The following ACBD6 variants were observed in gnomAD, a reference collection of about 807,000 sequenced individuals.
ACBD6 encodes the protein acyl-CoA binding domain containing 6, also known as acyl-CoA-binding domain-containing protein 6.
Under a neutral mutation model 37.2 loss-of-function variants are expected in ACBD6, and 28 were observed. The observed-to-expected ratio is 0.75, with a 90% CI of 0.56 to 1.03. The LOEUF (loss-of-function observed/expected upper bound fraction) is 1.03, where lower values mean the gene tolerates loss of function less well. Among genes scored for constraint, ACBD6 ranks in the 50% least tolerant of loss-of-function variants. ACBD6 has a pLI of 0.00. For synonymous variants in ACBD6, 113 were observed against 126.8 expected, an observed-to-expected ratio of 0.89 and a Z score of 0.73; for missense variants, 340 against 337.4, an observed-to-expected ratio of 1.01 and a Z score of -0.06.
intron 1 of ACBD6, among the ~76,000 whole-genome samples, chr1:180,496,699 C>T (rs910282435): frequency 2.0e-5 from 3 of 152,184 alleles, no homozygotes; most frequent in Non-Finnish European, 4.4e-5. Flanking sequence ...CTATCATTTG[C>T]TTAGCGATTA....
At chr1:180,451,914 T>C (rs1306514642) in intron 3 of ACBD6, among the ~76,000 whole-genome samples, 4 of 151,982 alleles carry the variant, frequency 2.6e-5, no homozygotes, top group Non-Finnish European at 5.9e-5. Context: ...AATGAAAAAA[T>C]GTGTTCAGTA....
At chr1:180,446,116 C>A (rs1183368424) in intron 3 of ACBD6, among the ~76,000 whole-genome samples, 5 of 151,954 alleles carry the variant, frequency 3.3e-5, no homozygotes, top group Non-Finnish European at 5.9e-5. Flanking sequence ...TCTCCTCCCA[C>A]CTCAGCCTCC....
intron 8 of ACBD6, among the ~76,000 whole-genome samples, chr1:180,282,972 G>GTTTTTTTTT (rs34828086): frequency 1.7e-4 from 19 of 109,990 alleles, no homozygotes; most frequent in South Asian, 1.0e-3. Flanking sequence ...ATGTCTTTCT[G>GTTTTTTTTT]TTTTTTTTTT....
At chr1:180,487,037 A>G (rs575953707) in intron 3 of ACBD6, among the ~76,000 whole-genome samples, 1 of 152,324 alleles carries the variant, frequency 6.6e-6, no homozygotes, top group African/African-American at 2.4e-5. Flanking sequence ...AAAATGGCTG[A>G]GAAACTGCTC....
At chr1:180,357,314 A>G (rs1652667394) in intron 6 of ACBD6, among the ~76,000 whole-genome samples, 1 of 152,234 alleles carries the variant, frequency 6.6e-6, no homozygotes. Context: ...ATAGCATGCC[A>G]AACAGCAGAG....
At chr1:180,354,160 T>C (rs977088338) in intron 6 of ACBD6, among the ~76,000 whole-genome samples, 1 of 152,218 alleles carries the variant, frequency 6.6e-6, no homozygotes, top group East Asian at 1.9e-4. Flanking sequence ...GTGGGGGAGG[T>C]AGGCCACAGC....
chr1:180,370,399 T>A (rs954227175), intron 6 of ACBD6, among the ~76,000 whole-genome samples: 6 of 152,078 alleles, frequency 3.9e-5, no homozygotes, highest in African/African-American at 1.4e-4. Context: ...AAAGGAACAA[T>A]CATTTTGCAT....
intron 2 of ACBD6, 131 bp from the exon 3 acceptor site, chr1:180,492,496 G>T (rs1651544578): frequency 6.7e-6 from 5 of 747,832 alleles, no homozygotes; most frequent in Admixed American, 2.2e-5. Flanking sequence ...TATGGATAGA[G>T]AAGCTCTGTC....
chr1:180,449,026 T>C (rs541816254), intron 3 of ACBD6, among the ~76,000 whole-genome samples: 1 of 152,328 alleles, frequency 6.6e-6, no homozygotes, highest in South Asian at 2.1e-4. Flanking sequence ...AAATAATTTT[T>C]AATGTAACAC....
chr1:180,485,939 G>T (rs560475468), intron 3 of ACBD6, among the ~76,000 whole-genome samples: 16 of 148,242 alleles, frequency 1.1e-4, no homozygotes, highest in Middle Eastern at 3.2e-3. Context: ...GGTACTCCCA[G>T]TAGCAAAAAA....
At chr1:180,433,712 G>A (rs1321673279) in intron 3 of ACBD6, among the ~76,000 whole-genome samples, 1 of 152,026 alleles carries the variant, frequency 6.6e-6, no homozygotes, top group Non-Finnish European at 1.5e-5. Flanking sequence ...CCTTGTTACA[G>A]TCTTTCGTTA....
chr1:180,444,991 T>C (rs1200049662), intron 3 of ACBD6, among the ~76,000 whole-genome samples: 1 of 152,234 alleles, frequency 6.6e-6, no homozygotes. Flanking sequence ...TTTTTTGGAT[T>C]TGTTTTACTG....
At chr1:180,387,405 A>G (rs1198876593) in intron 6 of ACBD6, among the ~76,000 whole-genome samples, 1 of 152,156 alleles carries the variant, frequency 6.6e-6, no homozygotes, top group Non-Finnish European at 1.5e-5. Context: ...GGTGATGGAT[A>G]TCCAAGCTTA....
At chr1:180,380,408 G>A (rs148790334) in intron 6 of ACBD6, among the ~76,000 whole-genome samples, 2 of 152,064 alleles carry the variant, frequency 1.3e-5, no homozygotes, top group Middle Eastern at 6.8e-3. Flanking sequence ...GGCCAGGAGA[G>A]AATTGGATGA....
At chr1:180,311,295 C>T (rs1650581322) in intron 7 of ACBD6, among the ~76,000 whole-genome samples, 1 of 152,166 alleles carries the variant, frequency 6.6e-6, no homozygotes, top group Admixed American at 6.5e-5. Context: ...ATGCTGCTAG[C>T]TGTGCCATGG....
At chr1:180,418,668 A>G (rs1399838158) in intron 4 of ACBD6, among the ~76,000 whole-genome samples, 1 of 152,220 alleles carries the variant, frequency 6.6e-6, no homozygotes. Context: ...TGCCATACTT[A>G]GCACACTGAA....
intron 6 of ACBD6, among the ~76,000 whole-genome samples, chr1:180,349,263 AT>A (rs1466465577): frequency 1.2e-5 from 1 of 86,770 alleles, no homozygotes; most frequent in Non-Finnish European, 2.1e-5. Flanking sequence ...AAAAATTTTA[AT>A]TTCTTTTTTT....
intron 7 of ACBD6, among the ~76,000 whole-genome samples, chr1:180,302,619 C>T (rs1352619075): frequency 6.6e-6 from 1 of 151,926 alleles, no homozygotes; most frequent in Non-Finnish European, 1.5e-5. Flanking sequence ...TCCTTAGAGA[C>T]CTAGAAAGAG....
chr1:180,290,582 C>T lies in ACBD6; in HGVS notation c.695-2065G>A, dbSNP rs143793716. ...TAAATATGTAAACAACCAATTCTAA[C>T]ACAAAAGAATGAATAAGAAATGTGG... On this transcript the variant is annotated intron_variant, in intron 7 of 7. Coordinates refer to ENST00000367595, the MANE Select transcript of ACBD6 (RefSeq NM_032360.4). Among the ~76,000 whole-genome samples, 33 of 152,302 alleles carry T rather than the reference C, an allele frequency of 2.2e-4. No individual in the cohort carries two copies. In the East Asian group the frequency reaches 6.4e-3, roughly 29 times the overall value.
Sources: gnomAD v4.1 joint callset for allele counts (sites outside exome capture counted in the v4.1 genomes callset) on GRCh38, gnomAD v4.1.1 for gene constraint, MANE v1.5 for transcripts, NCBI Gene and HGNC (gene_info 2026-07-23, HGNC 2026-07-21) for gene names.